GJB7: variants seen among roughly 807,000 people sequenced by gnomAD.
The protein encoded by GJB7 is gap junction beta-7 protein.
For synonymous variants in GJB7, 87 were observed against 95.2 expected (o/e 0.91, Z 0.50); for missense variants, 253 against 256.8 (o/e 0.99, Z 0.10).
intron 2 of GJB7, among the ~76,000 whole-genome samples, chr6:87,296,131 A>T (rs923183472): frequency 2.6e-5 from 4 of 152,266 alleles, no homozygotes; most frequent in Admixed American, 2.0e-4. Context: ...ATACAGTACA[A>T]TAGTGACTAT....
intron 2 of GJB7, among the ~76,000 whole-genome samples, chr6:87,288,601 G>A (rs1776109009): frequency 6.6e-6 from 1 of 152,120 alleles, no homozygotes; most frequent in Non-Finnish European, 1.5e-5. Flanking sequence ...AATCTTGCCA[G>A]TACTTTCTTC....
At chr6:87,301,669 C>A (rs1776329718) in intron 2 of GJB7, among the ~76,000 whole-genome samples, 1 of 152,344 alleles carries the variant, frequency 6.6e-6, no homozygotes, top group Non-Finnish European at 1.5e-5. Flanking sequence ...TGTCTGACAG[C>A]TTTGAAGAGA....
At chr6:87,314,319 C>G (rs183272678) in intron 2 of GJB7, among the ~76,000 whole-genome samples, 1 of 152,312 alleles carries the variant, frequency 6.6e-6, no homozygotes, top group South Asian at 2.1e-4. Flanking sequence ...AAGCCTCACA[C>G]GGGCCCCTCT....
rs115767902 is a variant in GJB7, at chr6:87,286,346, C to T, written c.-27-1407G>A. On this transcript the variant is annotated intron_variant, in intron 2 of 2. Transcript: ENST00000525899. ...GCCTGTCAGAAATCTCATATTCATC[C>T]TAGACTCCTCTCTCATGACCTTTTT... Among the ~76,000 whole-genome samples, 551 of 152,282 alleles carry T rather than the reference C, an allele frequency of 3.6e-3. 2 individuals carry two copies. Among genetic ancestry groups the T allele is most frequent in the African/African-American group, 0.013 (530 of 41,556 alleles).
chr6:87,322,202 A>G (rs1406978235), intron 2 of GJB7: 7 of 152,196 alleles, frequency 4.6e-5, no homozygotes, highest in Admixed American at 3.9e-4. Context: ...CACTTAAATG[A>G]CTGTTCCCCT....
At position 87,284,175 on chromosome 6, in the gene GJB7, T is replaced by C; in HGVS notation, c.*66A>G. The stretch of plus-strand genomic sequence containing the variant: ...GAGGGAGTGTGTTTATGGCCAAGTG[T>C]GAAGATTCTGGAGTAGGGGAGGGGT... On this transcript the variant is annotated 3_prime_UTR_variant, in exon 3 of 3. Transcript: ENST00000525899. The C allele has an allele frequency of 7.7e-7, 1 of 1,305,288 alleles. No homozygotes were observed. Among genetic ancestry groups the C allele is most frequent in the African/African-American group, 1.5e-5 (1 of 67,842 alleles). 80.9% of individuals were successfully genotyped at this position (1,305,288 alleles called of 1,614,324 possible). A position where few individuals can be genotyped will look rare whatever the true frequency, so the allele number is the denominator to read the frequency against.
intron 2 of GJB7, among the ~76,000 whole-genome samples, chr6:87,292,667 T>G (rs9444491): frequency 0.38 from 57,247 of 152,098 alleles, 11,236 homozygotes; most frequent in Admixed American, 0.52. Flanking sequence ...TATGTAGAAA[T>G]GAAAACAAAA....
intron 2 of GJB7, among the ~76,000 whole-genome samples, chr6:87,291,083 A>G (rs1329129169): frequency 6.6e-6 from 1 of 152,204 alleles, no homozygotes; most frequent in African/African-American, 2.4e-5. Context: ...TACCTGGCCC[A>G]CAGAACAAGT....
At chr6:87,300,088 C>T (rs1776299274) in intron 2 of GJB7, 1 of 319,304 alleles carries the variant, frequency 3.1e-6, no homozygotes. Flanking sequence ...TTGTGCCTTG[C>T]TCCAGTGCAC....
intron 2 of GJB7, among the ~76,000 whole-genome samples, chr6:87,298,557 ATATG>A (rs1776277945): frequency 6.6e-6 from 1 of 152,252 alleles, no homozygotes; most frequent in Admixed American, 6.5e-5. Context: ...GATGAAGATG[ATATG>A]TTCCTACTCT....
chr6:87,317,221 G>A (rs963441525), intron 2 of GJB7, among the ~76,000 whole-genome samples: 5 of 135,094 alleles, frequency 3.7e-5, no homozygotes, highest in Non-Finnish European at 6.6e-5. Context: ...AAAATTAGCC[G>A]GGCATGATGG....
intron 1 of GJB7, among the ~76,000 whole-genome samples, chr6:87,324,409 C>CGTTTAA (rs1288100663): frequency 6.6e-6 from 1 of 151,524 alleles, no homozygotes; most frequent in Non-Finnish European, 1.5e-5. Flanking sequence ...TTAGGTCTAA[C>CGTTTAA]GTTTAAGTCT....
chr6:87,323,260 G>C (rs1193427078), intron 1 of GJB7, among the ~76,000 whole-genome samples: 1 of 127,188 alleles, frequency 7.9e-6, no homozygotes, highest in Non-Finnish European at 1.9e-5. Flanking sequence ...AGATACTTTT[G>C]TTTTGTTTTG....
At chr6:87,320,982 G>A (rs944358765) in intron 2 of GJB7, among the ~76,000 whole-genome samples, 6 of 152,194 alleles carry the variant, frequency 3.9e-5, no homozygotes, top group African/African-American at 1.4e-4. Context: ...ACTTTGGGAG[G>A]CCGAGGTGGG....
At chr6:87,320,650 T>C (rs908814205) in intron 2 of GJB7, among the ~76,000 whole-genome samples, 4 of 152,212 alleles carry the variant, frequency 2.6e-5, no homozygotes, top group Non-Finnish European at 4.4e-5. Flanking sequence ...CATGTATCAA[T>C]ACATGTAAGG....
chr6:87,307,783 G>A (rs1776454138), intron 2 of GJB7, among the ~76,000 whole-genome samples: 1 of 152,192 alleles, frequency 6.6e-6, no homozygotes, highest in African/African-American at 2.4e-5. Context: ...TGGTGGGTCT[G>A]TAAACTGGTT....
chr6:87,287,269 T>G (rs1776077462), intron 2 of GJB7, among the ~76,000 whole-genome samples: 1 of 152,220 alleles, frequency 6.6e-6, no homozygotes, highest in Non-Finnish European at 1.5e-5. Flanking sequence ...GTACAATAAT[T>G]AATACTTCTT....
intron 2 of GJB7, among the ~76,000 whole-genome samples, chr6:87,285,184 C>T (rs898349657): frequency 2.6e-5 from 4 of 152,164 alleles, no homozygotes; most frequent in Non-Finnish European, 1.5e-5. Flanking sequence ...TCTACCCCAC[C>T]GCCCACTACC....
At chr6:87,311,628 A>G (rs1018254262) in intron 2 of GJB7, among the ~76,000 whole-genome samples, 1 of 152,246 alleles carries the variant, frequency 6.6e-6, no homozygotes, top group African/African-American at 2.4e-5. Context: ...ACTGGTGGAC[A>G]CAGTAAGGTG....
Sources: allele counts gnomAD v4.1 joint callset (sites outside exome capture counted in the v4.1 genomes callset), GRCh38; gene constraint gnomAD v4.1.1; transcripts MANE v1.5; gene names NCBI Gene and HGNC (gene_info 2026-07-23, HGNC 2026-07-21).